Variants in LRRTM4 observed in about 807,000 individuals in gnomAD.
LRRTM4 encodes leucine rich repeat transmembrane neuronal 4, also known as leucine-rich repeat transmembrane neuronal protein 4.
A neutral mutation model predicts 47.6 loss-of-function variants in LRRTM4; 25 were observed. The observed-to-expected ratio is 0.53, with a 90% CI of 0.38 to 0.73. The LOEUF (loss-of-function observed/expected upper bound fraction) is 0.73, where lower values mean the gene tolerates loss of function less well. Among genes scored for constraint, LRRTM4 ranks in the 30% least tolerant of loss-of-function variants. The pLI, the probability that LRRTM4 is intolerant of heterozygous loss-of-function variation, is 0.00. For synonymous variants in LRRTM4, 311 were observed against 269.5 expected (o/e 1.15, Z -1.51); for missense variants, 638 against 713.4 (o/e 0.89, Z 1.20).
intron 3 of LRRTM4, among the ~76,000 whole-genome samples, chr2:77,133,025 C>A (rs559278367): frequency 2.0e-5 from 3 of 152,150 alleles, no homozygotes; most frequent in Non-Finnish European, 4.4e-5. Flanking sequence ...CCAGGTAAAT[C>A]TATTTCCCAG....
At chr2:77,466,136 A>C (rs1163277430) in intron 3 of LRRTM4, among the ~76,000 whole-genome samples, 1 of 152,208 alleles carries the variant, frequency 6.6e-6, no homozygotes, top group African/African-American at 2.4e-5. Flanking sequence ...CAATAGAATT[A>C]AATTCAGATC....
chr2:77,067,734 A>T lies in LRRTM4; in HGVS notation c.1552-318818T>A, dbSNP rs189350294. 5.5e-3 allele frequency among the ~76,000 whole-genome samples: 782 copies of T among 141,326 alleles called. 20 individuals carry two copies. Among genetic ancestry groups the T allele is most frequent in the Admixed American group, 0.049 (696 of 14,146 alleles). 92.7% of individuals were successfully genotyped at this position (141,326 alleles called of 152,430 possible). A position where few individuals can be genotyped will look rare whatever the true frequency, so the allele number is the denominator to read the frequency against. ...ACACACACATACATATTTCAGGAAAAATGAAGAAAACGGAAGTCACAGGAG... is the reference window on the plus strand; with the variant it reads ...ACACACACATACATATTTCAGGAAATATGAAGAAAACGGAAGTCACAGGAG... On this transcript the variant is annotated intron_variant, in intron 3 of 3. Coordinates refer to ENST00000409884, the MANE Select transcript of LRRTM4 (RefSeq NM_001134745.3).
chr2:76,834,609 A>G (rs896902951), intron 3 of LRRTM4, among the ~76,000 whole-genome samples: 4 of 152,028 alleles, frequency 2.6e-5, no homozygotes, highest in African/African-American at 9.7e-5. Flanking sequence ...GCCATTTGGG[A>G]TACAAATGCT....
chr2:76,963,724 C>T (rs1416958989), intron 3 of LRRTM4, among the ~76,000 whole-genome samples: 1 of 150,688 alleles, frequency 6.6e-6, no homozygotes, highest in African/African-American at 2.4e-5. Flanking sequence ...GGGACATTCT[C>T]ATGAATATTG....
chr2:76,890,788 T>C (rs147335125), intron 3 of LRRTM4, among the ~76,000 whole-genome samples: 67 of 152,096 alleles, frequency 4.4e-4, no homozygotes, highest in African/African-American at 1.6e-3. Context: ...CAAAGTTTAA[T>C]TCATACAGAA....
At chr2:76,801,056 C>T (rs1413043400) in intron 3 of LRRTM4, among the ~76,000 whole-genome samples, 1 of 149,908 alleles carries the variant, frequency 6.7e-6, no homozygotes, top group Non-Finnish European at 1.5e-5. Flanking sequence ...CACTTTTACA[C>T]TGTTGGTGGG....
chr2:77,228,383 T>C (rs1674871540), intron 3 of LRRTM4, among the ~76,000 whole-genome samples: 1 of 152,122 alleles, frequency 6.6e-6, no homozygotes, highest in South Asian at 2.1e-4. Context: ...ACTGATCTCC[T>C]GTAGACTGGT....
At chr2:76,766,270 T>G (rs1673453208) in intron 3 of LRRTM4, among the ~76,000 whole-genome samples, 1 of 152,190 alleles carries the variant, frequency 6.6e-6, no homozygotes, top group Non-Finnish European at 1.5e-5. Context: ...TAAGTTACAT[T>G]TAACATACAA....
intron 3 of LRRTM4, among the ~76,000 whole-genome samples, chr2:77,226,948 G>T (rs1159358266): frequency 6.6e-6 from 1 of 151,904 alleles, no homozygotes; most frequent in African/African-American, 2.4e-5. Flanking sequence ...CTCTCTCTGT[G>T]CTCCAGGTTA....
intron 3 of LRRTM4, among the ~76,000 whole-genome samples, chr2:77,434,302 C>A (rs1009217169): frequency 4.6e-5 from 7 of 150,658 alleles, no homozygotes; most frequent in Non-Finnish European, 8.9e-5. Flanking sequence ...TGAATAGGAA[C>A]CAGGAAAATA....
At chr2:77,434,206 T>C (rs2103912185) in intron 3 of LRRTM4, among the ~76,000 whole-genome samples, 1 of 151,210 alleles carries the variant, frequency 6.6e-6, no homozygotes, top group Non-Finnish European at 1.5e-5. Flanking sequence ...ACAGACACAA[T>C]CATGTGTGTA....
At chr2:77,431,783 T>C (rs1321099118) in intron 3 of LRRTM4, among the ~76,000 whole-genome samples, 2 of 148,672 alleles carry the variant, frequency 1.3e-5, no homozygotes, top group Non-Finnish European at 2.9e-5. Context: ...AACTAAGAAA[T>C]TGGTAATTGG....
chr2:77,485,885 C>A (rs2104029810), intron 3 of LRRTM4, among the ~76,000 whole-genome samples: 1 of 149,254 alleles, frequency 6.7e-6, no homozygotes, highest in African/African-American at 2.5e-5. Flanking sequence ...CATGCACCAC[C>A]ACAGTCGGCT....
At position 77,339,278 on chromosome 2, in the gene LRRTM4, G is replaced by A. The variant is rs529964643; in HGVS notation, c.1551+179040C>T. On this transcript the variant is annotated intron_variant, in intron 3 of 3. Coordinates refer to ENST00000409884, the MANE Select transcript of LRRTM4 (RefSeq NM_001134745.3). ...TTAAAAAACTGTAATTGTTTTAACT[G>A]CAATTTACTTAACGTATATTTAAAT... Among the ~76,000 whole-genome samples the A allele has an allele frequency of 2.2e-4, 34 of 151,988 alleles. No homozygotes were observed. The South Asian group carries it at 4.1e-3, about 19-fold the overall frequency.
In LRRTM4 at chr2:77,403,885, T is replaced by TATATATATATATATATATATATATATA. The variant is rs893824593; in HGVS notation, c.1551+114432_1551+114433insTATATATATATATATATATATATATAT. Among the ~76,000 whole-genome samples, 1,126 of 149,880 alleles carry TATATATATATATATATATATATATATA rather than the reference T, an allele frequency of 7.5e-3. 32 individuals are homozygous for TATATATATATATATATATATATATATA. The highest frequency in any genetic ancestry group is 0.027 in the African/African-American group (1,071 of 39,594). ...TAAATGAGAAATATATATATATATA[T>TATATATATATATATATATATATATATA]TTTAGGAAAGGCGATTTCATTGAGA... On this transcript the variant is annotated intron_variant, in intron 3 of 3. Transcript: ENST00000409884.
intron 3 of LRRTM4, among the ~76,000 whole-genome samples, chr2:77,113,898 T>C (rs183946311): frequency 6.6e-6 from 1 of 152,202 alleles, no homozygotes; most frequent in African/African-American, 2.4e-5. Context: ...AGCATATATA[T>C]GGCCCAGGGC....
At chr2:77,416,768 A>C (rs1430080670) in intron 3 of LRRTM4, among the ~76,000 whole-genome samples, 3 of 152,126 alleles carry the variant, frequency 2.0e-5, no homozygotes, top group Non-Finnish European at 4.4e-5. Flanking sequence ...AAAAAATGAT[A>C]TATAAAGAAG....
intron 3 of LRRTM4, among the ~76,000 whole-genome samples, chr2:76,952,549 G>T (rs930772785): frequency 1.3e-4 from 19 of 151,836 alleles, no homozygotes; most frequent in Non-Finnish European, 4.4e-5. Flanking sequence ...AGAAATAATG[G>T]CAAGTTTGTA....
At chr2:76,792,957 GTC>G (rs947918420) in intron 3 of LRRTM4, among the ~76,000 whole-genome samples, 2 of 152,126 alleles carry the variant, frequency 1.3e-5, no homozygotes, top group African/African-American at 4.8e-5. Flanking sequence ...GGTGAATCCT[GTC>G]TCTGTTACTT....
Sources: allele counts gnomAD v4.1 joint callset (sites outside exome capture counted in the v4.1 genomes callset), GRCh38; gene constraint gnomAD v4.1.1; transcripts MANE v1.5; gene names NCBI Gene and HGNC (gene_info 2026-07-23, HGNC 2026-07-21).